The following ASMTL variants were observed in gnomAD, a reference collection of about 807,000 sequenced individuals.
ASMTL encodes acetylserotonin O-methyltransferase like, also known as probable bifunctional dTTP/UTP pyrophosphatase/methyltransferase protein.
In ASMTL, 57 loss-of-function variants were observed where a neutral mutation model predicts 60.3. The observed-to-expected ratio is 0.95, with a 90% CI of 0.76 to 1.18. The LOEUF is 1.18. ASMTL is among the 50% of genes most tolerant of loss of function. ASMTL has a pLI of 0.00. For missense variants in ASMTL, 981 were observed against 852.6 expected (o/e 1.15, Z -1.88); for synonymous variants, 419 against 373.0 (o/e 1.12, Z -1.42).
At chrX:1,419,500 G>A (rs778514958) in intron 9 of ASMTL, among the ~76,000 whole-genome samples, 7 of 152,182 alleles carry the variant, frequency 4.6e-5, no homozygotes, top group East Asian at 1.9e-4. Context: ...CAGGTGCCCC[G>A]GCTCAGCCTT....
At chrX:1,406,083 G>A in intron 12 of ASMTL, among the ~76,000 whole-genome samples, 1 of 149,632 alleles carries the variant, frequency 6.7e-6, no homozygotes, top group South Asian at 2.1e-4. Context: ...GGATGAGATG[G>A]ATGGATGGGT....
intron 2 of ASMTL, chrX:1,441,966 A>G: frequency 1.8e-6 from 1 of 564,176 alleles, no homozygotes; most frequent in Non-Finnish European, 3.2e-6. Flanking sequence ...AGAATATTAT[A>G]ACACACAGTA....
chrX:1,412,462 G>A (rs1465141690), intron 12 of ASMTL, among the ~76,000 whole-genome samples: 5 of 151,602 alleles, frequency 3.3e-5, no homozygotes, highest in Non-Finnish European at 4.4e-5. Flanking sequence ...TGCTCACCCC[G>A]GGTGATCCAC....
intron 12 of ASMTL, among the ~76,000 whole-genome samples, chrX:1,411,180 T>C (rs1177655905): frequency 6.7e-6 from 1 of 149,884 alleles, no homozygotes; most frequent in African/African-American, 2.5e-5. Context: ...CGAGACTCCG[T>C]CTCAAAAAAA....
chrX:1,419,201 C>T, intron 9 of ASMTL, 87 bp from the exon 10 acceptor site: 2 of 1,509,748 alleles, frequency 1.3e-6, no homozygotes, highest in Non-Finnish European at 9.0e-7. Flanking sequence ...GGGAGAAGTG[C>T]AGGGCTCCAG....
intron 1 of ASMTL, among the ~76,000 whole-genome samples, chrX:1,451,925 G>T (rs1214175162): frequency 6.7e-6 from 1 of 148,586 alleles, no homozygotes; most frequent in African/African-American, 2.5e-5. Context: ...TCCCTAGGGG[G>T]TCCCGGGTCA....
intron 12 of ASMTL, among the ~76,000 whole-genome samples, chrX:1,405,164 A>ATGATGGGTACGTAGG (rs2089763823): frequency 2.0e-5 from 3 of 150,452 alleles, no homozygotes; most frequent in African/African-American, 7.4e-5. Context: ...CATGGATGAG[A>ATGATGGGTACGTAGG]TGGATGGTTG....
At position 1,403,200 on chromosome X, in the gene ASMTL, C is replaced by T. The variant is rs2089659045; in HGVS notation, c.*69G>A. ...GCTCCTATGTGACTGTCCTATGGTACTTGGGGACCGGGCGGTCCACCTGCA... is the reference window on the plus strand; with the variant it reads ...GCTCCTATGTGACTGTCCTATGGTATTTGGGGACCGGGCGGTCCACCTGCA... On this transcript the variant is annotated 3_prime_UTR_variant, in exon 13 of 13. Coordinates refer to ENST00000381317, the MANE Select transcript of ASMTL (RefSeq NM_004192.4). 1.5e-6 allele frequency: 2 copies of T among 1,329,630 alleles called. No individual in the cohort carries two copies. The highest frequency in any genetic ancestry group is 1.8e-5 in the Admixed American group (1 of 56,856). The allele number at this position is 1,329,630 out of a possible 1,614,324, so 82.4% of individuals were successfully genotyped here.
chrX:1,423,655 C>CGAT (rs1354379301), intron 8 of ASMTL, among the ~76,000 whole-genome samples: 12 of 151,424 alleles, frequency 7.9e-5, no homozygotes, highest in African/African-American at 2.9e-4. Context: ...ATTCCCCCAC[C>CGAT]CATCCAATCC....
chrX:1,420,478 C>T (rs2090453410), intron 9 of ASMTL, among the ~76,000 whole-genome samples: 2 of 152,210 alleles, frequency 1.3e-5, no homozygotes, highest in Non-Finnish European at 2.9e-5. Flanking sequence ...CACACCCTGA[C>T]TCCGTGCTCA....
In ASMTL at chrX:1,415,337, C is replaced by T. The variant is rs151220405; in HGVS notation, c.1523-2483G>A. Among the ~76,000 whole-genome samples the T allele has an allele frequency of 5.8e-3, 879 of 152,276 alleles. 8 individuals carry two copies. Among genetic ancestry groups the T allele is most frequent in the African/African-American group, 0.019 (805 of 41,564 alleles). The stretch of plus-strand genomic sequence containing the variant: ...TCAGTTCCTTCCGTGACCTCGGCAC[C>T]GTGGATGCCCATGAATGCTGATCTC... On this transcript the variant is annotated intron_variant, in intron 11 of 12. Coordinates refer to ENST00000381317, the MANE Select transcript of ASMTL (RefSeq NM_004192.4).
intron 3 of ASMTL, among the ~76,000 whole-genome samples, chrX:1,437,302 C>T (rs185608774): frequency 6.6e-6 from 1 of 151,226 alleles, no homozygotes. Flanking sequence ...CTTATCTGCT[C>T]TTCTTATGAG....
chrX:1,431,357 T>A (rs189041372), intron 6 of ASMTL, among the ~76,000 whole-genome samples: 1 of 133,596 alleles, frequency 7.5e-6, no homozygotes, highest in East Asian at 2.1e-4. Flanking sequence ...ATAAATTATA[T>A]AATTTATATA....
At chrX:1,450,784 A>C (rs2091349166) in intron 1 of ASMTL, among the ~76,000 whole-genome samples, 1 of 115,136 alleles carries the variant, frequency 8.7e-6, no homozygotes, top group African/African-American at 3.4e-5. Context: ...CCCCTCCCCC[A>C]ACCCTAGGGG....
At chrX:1,442,083 C>A in intron 2 of ASMTL, 103 bp downstream of exon 2, 1 of 1,402,062 alleles carries the variant, frequency 7.1e-7, no homozygotes. Flanking sequence ...CCAACTGCAT[C>A]TTTTGAATGA....
At position 1,421,744 on chromosome X, in the gene ASMTL, G is replaced by C; in HGVS notation, c.1159C>G (p.Leu387Val). The C allele has an allele frequency of 6.2e-7, 1 of 1,613,926 alleles. No individual in the cohort carries two copies. Among genetic ancestry groups the C allele is most frequent in the Non-Finnish European group, 8.5e-7 (1 of 1,179,872 alleles). ...ATGGCAAACTCCAGGTATGTAAAGA[G>C]GTTCCATGTGAGGTCATTATTGTGC... The part of the protein sequence containing the change: ...IMHNNDLTWN[L>V]FTYLEFAIRE... Residue 387 changes from leucine to valine, a missense_variant, in exon 9 of 13, where the codon CTC (leucine) becomes GTC (valine). Leu to Val is a conservative substitution (Grantham distance 32). Transcript: ENST00000381317.
At chrX:1,423,824 CCATCCATCCACT>C (rs1185956621) in intron 8 of ASMTL, among the ~76,000 whole-genome samples, 1 of 150,628 alleles carries the variant, frequency 6.6e-6, no homozygotes, top group African/African-American at 2.4e-5. Context: ...AGCCATGCAC[CCATCCATCCACT>C]CATCCATCCA....
chrX:1,416,710 G>A (rs1317569217), intron 11 of ASMTL, among the ~76,000 whole-genome samples: 1 of 146,636 alleles, frequency 6.8e-6, no homozygotes, highest in Non-Finnish European at 1.5e-5. Context: ...ACATTCTTAC[G>A]CACGCACACA....
At chrX:1,434,099 A>ACGATGC (rs1458674656) in intron 5 of ASMTL, among the ~76,000 whole-genome samples, 1 of 152,116 alleles carries the variant, frequency 6.6e-6, no homozygotes, top group African/African-American at 2.4e-5. Flanking sequence ...ACTGAATTCT[A>ACGATGC]CGATGCCTCC....
Sources: allele counts gnomAD v4.1 joint callset (sites outside exome capture counted in the v4.1 genomes callset), GRCh38; gene constraint gnomAD v4.1.1; transcripts MANE v1.5; gene names NCBI Gene and HGNC (gene_info 2026-07-23, HGNC 2026-07-21).